PLXNA4: variants seen among roughly 807,000 people sequenced by gnomAD.
PLXNA4 encodes the protein plexin A4.
A neutral mutation model predicts 191.8 loss-of-function variants in PLXNA4; 44 were observed. The ratio of observed to expected loss-of-function variants is 0.23; its 90% CI spans 0.18 to 0.29. The LOEUF (loss-of-function observed/expected upper bound fraction) is 0.29. PLXNA4 is among the 10% of genes least tolerant of loss of function. PLXNA4 has a pLI of 1.00. For synonymous variants in PLXNA4, 1,082 were observed against 1,009.5 expected (o/e 1.07, Z -1.36); for missense variants, 1,800 against 2,488.8 (o/e 0.72, Z 5.89).
intron 3 of PLXNA4, among the ~76,000 whole-genome samples, chr7:132,408,448 C>CTTTATTTA (rs55684832): frequency 0.04 from 6,042 of 149,460 alleles, 336 homozygotes; most frequent in East Asian, 0.25. Flanking sequence ...CACAAAAACA[C>CTTTATTTA]TTTATTTATT....
chr7:132,340,876 C>T (rs1048755296), intron 3 of PLXNA4, among the ~76,000 whole-genome samples: 1 of 152,186 alleles, frequency 6.6e-6, no homozygotes, highest in Non-Finnish European at 1.5e-5. Context: ...CGGGGTTTCA[C>T]CATGTTGGCC....
At chr7:132,497,109 C>T (rs1343312524) in intron 2 of PLXNA4, among the ~76,000 whole-genome samples, 1 of 119,324 alleles carries the variant, frequency 8.4e-6, no homozygotes, top group Non-Finnish European at 1.8e-5. Flanking sequence ...CTTATGCACA[C>T]TTGTGCACGC....
chr7:132,197,431 C>T (rs1478713794), intron 13 of PLXNA4, among the ~76,000 whole-genome samples: 1 of 152,116 alleles, frequency 6.6e-6, no homozygotes, highest in African/African-American at 2.4e-5. Context: ...AATCATGTGG[C>T]TTTATAATAA....
chr7:132,582,749 T>A (rs948706679), intron 2 of PLXNA4, among the ~76,000 whole-genome samples: 1 of 152,216 alleles, frequency 6.6e-6, no homozygotes, highest in African/African-American at 2.4e-5. Context: ...GCCAGAGATT[T>A]GTTATGCAGT....
At chr7:132,345,766 G>A (rs1412274421) in intron 3 of PLXNA4, among the ~76,000 whole-genome samples, 1 of 152,176 alleles carries the variant, frequency 6.6e-6, no homozygotes, top group East Asian at 1.9e-4. Context: ...CCTCACGAAA[G>A]AGCCCAGCTG....
chr7:132,132,451 TG>T lies in PLXNA4; in HGVS notation c.5589+597del, dbSNP rs1219934254. On this transcript the variant is annotated intron_variant, in intron 31 of 31. Transcript: ENST00000321063. ...TGTTCTGTTCTGTTCTGTTCTGTTCTGTTCTGTTCTGTTCTGCTCTGCTCTG... is the reference window on the plus strand; with the variant it reads ...TGTTCTGTTCTGTTCTGTTCTGTTCTTTCTGTTCTGTTCTGCTCTGCTCTG... Among the ~76,000 whole-genome samples, 246 of 45,174 alleles carry T rather than the reference TG, an allele frequency of 5.4e-3. 7 individuals are homozygous for T. Among genetic ancestry groups the T allele is most frequent in the East Asian group, 0.035 (67 of 1,908 alleles). The allele number at this position is 45,174 out of a possible 152,430, so 29.6% of individuals were successfully genotyped here. A position where few individuals can be genotyped will look rare whatever the true frequency, so the allele number is the denominator to read the frequency against.
At chr7:132,247,076 C>G (rs1047433471) in intron 4 of PLXNA4, among the ~76,000 whole-genome samples, 3 of 152,170 alleles carry the variant, frequency 2.0e-5, no homozygotes, top group African/African-American at 7.2e-5. Flanking sequence ...CATTGCCCAA[C>G]TCCCACCTGG....
At chr7:132,581,857 G>T (rs2116813366), upstream of PLXNA4, among the ~76,000 whole-genome samples, 1 of 152,262 alleles carries the variant, frequency 6.6e-6, no homozygotes, top group South Asian at 2.1e-4. Context: ...TCTCCAGAAT[G>T]CTTCCTTCTC....
At chr7:132,503,632 G>T (rs982824836) in intron 2 of PLXNA4, among the ~76,000 whole-genome samples, 4 of 152,318 alleles carry the variant, frequency 2.6e-5, no homozygotes, top group South Asian at 2.1e-4. Flanking sequence ...GGGGCCTCAG[G>T]GAGCCTGGAT....
At chr7:132,396,158 C>G (rs576665144) in intron 3 of PLXNA4, among the ~76,000 whole-genome samples, 1 of 152,176 alleles carries the variant, frequency 6.6e-6, no homozygotes, top group Non-Finnish European at 1.5e-5. Context: ...CCTGGGATAT[C>G]CCCACAATGG....
At chr7:132,282,636 A>G (rs1800525863) in intron 4 of PLXNA4, among the ~76,000 whole-genome samples, 1 of 78,444 alleles carries the variant, frequency 1.3e-5, no homozygotes. Flanking sequence ...AAAAAAAAAA[A>G]AAAAAAAAAA....
intron 3 of PLXNA4, among the ~76,000 whole-genome samples, chr7:132,306,880 C>G (rs1359681187): frequency 2.0e-5 from 3 of 152,158 alleles, no homozygotes; most frequent in Admixed American, 2.0e-4. Context: ...GGTGATACAA[C>G]CGTGTCTGGG....
At chr7:132,298,745 T>C (rs1215976913) in intron 3 of PLXNA4, among the ~76,000 whole-genome samples, 1 of 152,256 alleles carries the variant, frequency 6.6e-6, no homozygotes, top group Non-Finnish European at 1.5e-5. Context: ...TCTCTTTTTT[T>C]GCCATTGAAA....
intron 3 of PLXNA4, among the ~76,000 whole-genome samples, chr7:132,476,873 T>A (rs1229326018): frequency 6.6e-6 from 1 of 152,138 alleles, no homozygotes; most frequent in African/African-American, 2.4e-5. Context: ...CAAAACTAAT[T>A]TTGGGGAGAT....
At chr7:132,154,566 G>C (rs555760198) in intron 25 of PLXNA4, among the ~76,000 whole-genome samples, 1 of 152,290 alleles carries the variant, frequency 6.6e-6, no homozygotes, top group Non-Finnish European at 1.5e-5. Flanking sequence ...TGCTATTTGG[G>C]GATGCCTAGA....
chr7:132,403,324 T>A (rs145048247), intron 3 of PLXNA4, among the ~76,000 whole-genome samples: 1 of 152,294 alleles, frequency 6.6e-6, no homozygotes, highest in Non-Finnish European at 1.5e-5. Context: ...CCCATTTTCA[T>A]CCAAATGTGA....
intron 31 of PLXNA4, among the ~76,000 whole-genome samples, chr7:132,131,546 G>A (rs146230180): frequency 3.4e-4 from 52 of 152,258 alleles, no homozygotes; most frequent in African/African-American, 1.0e-3. Flanking sequence ...CAAGGGAGGC[G>A]CCCAGGGCTT....
chr7:132,155,410 T>C (rs1191820181), intron 25 of PLXNA4, among the ~76,000 whole-genome samples: 11 of 152,194 alleles, frequency 7.2e-5, no homozygotes, highest in South Asian at 2.1e-4. Flanking sequence ...TTAGTTCAGA[T>C]AGAAAAATGT....
chr7:132,152,660 C>A (rs1795679432), intron 25 of PLXNA4, among the ~76,000 whole-genome samples: 1 of 152,204 alleles, frequency 6.6e-6, no homozygotes, highest in Non-Finnish European at 1.5e-5. Context: ...CGTAGCTCAG[C>A]CAATGGCCAG....
Sources: gnomAD v4.1 joint callset for allele counts (sites outside exome capture counted in the v4.1 genomes callset) on GRCh38, gnomAD v4.1.1 for gene constraint, MANE v1.5 for transcripts, NCBI Gene and HGNC (gene_info 2026-07-23, HGNC 2026-07-21) for gene names.